The following DSPP variants were observed in gnomAD, a reference collection of about 807,000 sequenced individuals.
DSPP encodes the protein dentin sialophosphoprotein.
A neutral mutation model predicts 29.1 loss-of-function variants in DSPP; 28 were observed. The ratio of observed to expected loss-of-function variants is 0.96; its 90% CI spans 0.71 to 1.32. The LOEUF is 1.32. DSPP is among the 40% of genes most tolerant of loss of function. DSPP has a pLI of 0.00. For synonymous variants in DSPP, 481 were observed against 503.4 expected (o/e 0.96, Z 0.60); for missense variants, 1,281 against 1,629.9 (o/e 0.79, Z 3.69).
intron 1 of DSPP, 91 bp from the exon 2 acceptor site, chr4:87,610,790 A>C: frequency 1.1e-6 from 1 of 869,906 alleles, no homozygotes; most frequent in African/African-American, 1.7e-5. Flanking sequence ...TTGTCCAGGA[A>C]AAGGGCAAAT....
intron 1 of DSPP, among the ~76,000 whole-genome samples, chr4:87,609,029 ATGAAATTTAG>A (rs1727686684): frequency 6.6e-6 from 1 of 152,232 alleles, no homozygotes; most frequent in Admixed American, 6.5e-5. Context: ...CCCACATGAA[ATGAAATTTAG>A]CAATCACTAA....
chr4:87,612,574 A>T lies in DSPP; in HGVS notation c.388A>T (p.Asn130Tyr). 6.2e-7 allele frequency: 1 copy of T among 1,614,126 alleles called. No homozygotes were observed. The highest frequency in any genetic ancestry group is 8.5e-7 in the Non-Finnish European group (1 of 1,179,992). ...GHDGIHGKEE[N>Y]ITANGIQGQV... ...TGATGGAATACATGGGAAAGAAGAA[A>T]ACATCACAGCAAATGGCATCCAGGG... Residue 130 changes from asparagine (N) to tyrosine (Y), a missense_variant, in exon 4 of 5, where the codon AAC becomes TAC. Asn to Tyr is a moderately radical substitution (Grantham distance 143). This residue lies in a region of DSPP where 631 missense variants were observed against 643.2 expected (regional missense o/e 0.98). Transcript: ENST00000651931.
chr4:87,612,848 GA>G lies in DSPP; in HGVS notation c.665del (p.Asn222MetfsTer8). The G allele has an allele frequency of 6.2e-7, 1 of 1,614,170 alleles. No homozygotes were observed. The highest frequency in any genetic ancestry group is 8.5e-7 in the Non-Finnish European group (1 of 1,180,020). On this transcript the variant is annotated frameshift_variant, in exon 4 of 5. Coordinates refer to ENST00000651931, the MANE Select transcript of DSPP (RefSeq NM_014208.3). LOFTEE classifies it high-confidence loss of function. The stretch of plus-strand genomic sequence containing the variant: ...ATAACACCTCAGATCAACAGCAAGA[GA>G]AATGGGACTAAGGAAGCTGAGGTAA... ...SEITPQINSK[R>X]NGTKEAEVTP... is the part of the protein sequence containing the mutation.
intron 2 of DSPP, 25 bp downstream of exon 2, chr4:87,610,984 C>T: frequency 6.2e-7 from 1 of 1,607,586 alleles, no homozygotes; most frequent in South Asian, 1.1e-5. Context: ...CTTAGAAAAC[C>T]TCTTCACTTT....
chr4:87,616,323 G>A lies in DSPP; in HGVS notation c.3661G>A (p.Asp1221Asn), dbSNP rs747882961. 27 of 1,514,768 alleles carry A rather than the reference G, an allele frequency of 1.8e-5. No homozygotes were observed. The East Asian group carries it at 4.0e-4, about 23-fold the overall frequency. The allele number at this position is 1,514,768 out of a possible 1,614,324, so 93.8% of individuals were successfully genotyped here. The stretch of plus-strand genomic sequence containing the variant: ...CAGCAGCGACAGCAGTGACAGCAGC[G>A]ACAGCAGTGACAGCAGCGACAGCAG... ...SDSSDSSDSS[D>N]SSDSSDSSDS... The change falls in exon 5 of 5, where the codon GAC (aspartate) becomes AAC (asparagine). Residue 1221 changes from aspartate to asparagine, a missense_variant. Coordinates refer to ENST00000651931, the MANE Select transcript of DSPP (RefSeq NM_014208.3).
At position 87,614,062 on chromosome 4, in the gene DSPP, G is replaced by A. The variant is rs553480677; in HGVS notation, c.1400G>A (p.Ser467Asn). ...TCCATGCAAGGAGATGATCCCAATAGCAGTGATGAATCTAATGGCAATGAT... is the reference window on the plus strand; with the variant it reads ...TCCATGCAAGGAGATGATCCCAATAACAGTGATGAATCTAATGGCAATGAT... ...DKSMQGDDPN[S>N]SDESNGNDDA... The change falls in exon 5 of 5, where the codon AGC becomes AAC. Residue 467 changes from serine to asparagine, a missense_variant. Ser to Asn is a conservative substitution (Grantham distance 46). This residue lies in a region of DSPP where 631 missense variants were observed against 643.2 expected (regional missense o/e 0.98). Transcript: ENST00000651931. The A allele has an allele frequency of 4.8e-5, 77 of 1,614,206 alleles. No homozygotes were observed. The South Asian group carries it at 7.7e-4, about 16-fold the overall frequency.
Position 87,613,891 on chromosome 4 carries a change from G to A in DSPP, c.1229G>A (p.Gly410Asp), listed in dbSNP as rs200373202. Residue 410 changes from glycine (G) to aspartate (D), a missense_variant, in exon 5 of 5, where the codon GGC (glycine) becomes GAC (aspartate). Around this residue, in one of 4 missense-constraint regions of DSPP, gnomAD observed 631 missense variants for 643.2 expected, o/e 0.98. Transcript: ENST00000651931. ...AAAGGACAACATGGAATGATCTTGG[G>A]CAAAGGCAATGTCAAGACACAAGGA... ...EDKGQHGMIL[G>D]KGNVKTQGEV... 1.9e-6 allele frequency: 3 copies of A among 1,614,208 alleles called. No individual in the cohort carries two copies. The highest frequency in any genetic ancestry group is 2.7e-5 in the African/African-American group (2 of 75,056).
chr4:87,614,137 C>T lies in DSPP; in HGVS notation c.1475C>T (p.Ser492Phe). 1.9e-6 allele frequency: 3 copies of T among 1,614,210 alleles called. No homozygotes were observed. Among genetic ancestry groups the T allele is most frequent in the Non-Finnish European group, 2.5e-6 (3 of 1,180,034 alleles). Residue 492 changes from serine to phenylalanine, a missense_variant, in exon 5 of 5, where the codon TCT becomes TTT. Ser to Phe is a radical substitution (Grantham distance 155, BLOSUM62 -2). Transcript: ENST00000651931. The part of the protein sequence containing the change: ...DNNSSSRGDA[S>F]YNSDESKDNG... ...AACAGCAGTAGCCGAGGAGATGCTT[C>T]TTATAACTCTGATGAATCAAAAGAT...
rs765379520 is a variant in DSPP at position 87,613,118 on chromosome 4, A to G, written c.932A>G (p.Glu311Gly). The change falls in exon 4 of 5, where the codon GAA becomes GGA. Residue 311 changes from glutamate to glycine, a missense_variant. Transcript: ENST00000651931. ...SKEYYDPEGK[E>G]DPHNEVDGDK... ...GAATATTATGACCCTGAAGGCAAAG[A>G]AGATCCCCATAATGAAGTTGATGGA... The G allele has an allele frequency of 6.8e-6, 11 of 1,614,198 alleles. No individual in the cohort carries two copies. In the East Asian group the frequency reaches 2.5e-4, roughly 36 times the overall value.
chr4:87,615,909 G>T lies in DSPP; in HGVS notation c.3247G>T (p.Glu1083Ter). The change falls in exon 5 of 5, where the codon GAA (glutamate) becomes TAA (stop). Residue 1083 changes from glutamate to a stop codon, truncating the protein, a stop_gained. Transcript: ENST00000651931. LOFTEE classifies it low-confidence loss of function (END_TRUNC). Reference protein sequence around the residue: ...SDSSDSSDSSESSDSSDSSNS... With the variant: ...SDSSDSSDSS Reference sequence around the variant, plus strand: ...CAGCAGCGACAGCAGTGATAGCAGTGAAAGCAGTGATAGCAGTGACAGCAG... The same window carrying T: ...CAGCAGCGACAGCAGTGATAGCAGTTAAAGCAGTGATAGCAGTGACAGCAG... The T allele has an allele frequency of 8.0e-6, 9 of 1,122,848 alleles. No homozygotes were observed. The highest frequency in any genetic ancestry group is 3.2e-5 in the Admixed American group (1 of 31,376). 69.6% of individuals were successfully genotyped at this position (1,122,848 alleles called of 1,614,324 possible). A position where few individuals can be genotyped will look rare whatever the true frequency, so the allele number is the denominator to read the frequency against.
rs375392574 is a variant in DSPP, at chr4:87,615,095, T to C, written c.2433T>C (p.Asp811=). ...SDSSNSSDSS[D]SSDSSDSDSS... ...GCAGCAACAGCAGTGATAGCAGTGA[T>C]AGCAGTGACAGCAGTGATAGCGACA... Residue 811 remains aspartate (D), a synonymous_variant, in exon 5 of 5, where the codon GAT becomes GAC. Coordinates refer to ENST00000651931, the MANE Select transcript of DSPP (RefSeq NM_014208.3). 1.5e-5 allele frequency: 23 copies of C among 1,537,242 alleles called. No homozygotes were observed. Among genetic ancestry groups the C allele is most frequent in the African/African-American group, 1.3e-4 (9 of 68,040 alleles).
intron 1 of DSPP, among the ~76,000 whole-genome samples, chr4:87,609,798 T>C (rs1168466996): frequency 6.6e-6 from 1 of 152,228 alleles, no homozygotes; most frequent in Non-Finnish European, 1.5e-5. Context: ...CTCCTTTCTA[T>C]CATTACTTCA....
chr4:87,615,440 C>T lies in DSPP; in HGVS notation c.2778C>T (p.Ser926=), dbSNP rs777700807. 7 of 1,545,428 alleles carry T rather than the reference C, an allele frequency of 4.5e-6. No individual in the cohort carries two copies. In the South Asian group the frequency reaches 7.2e-5, roughly 16 times the overall value. Residue 926 remains serine, a synonymous_variant, in exon 5 of 5, where the codon AGC becomes AGT. Transcript: ENST00000651931. ...GCAACAGCAGTGATAGCAGTGAAAG[C>T]AGTAATAGTAGTGACAACAGCAATA... is the stretch of plus-strand genomic sequence containing the variant. ...DSSNSSDSSE[S]SNSSDNSNSS...
At chr4:87,609,251 G>A (rs1727690585) in intron 1 of DSPP, among the ~76,000 whole-genome samples, 1 of 152,198 alleles carries the variant, frequency 6.6e-6, no homozygotes, top group Non-Finnish European at 1.5e-5. Flanking sequence ...GTTCAGGAGT[G>A]GAGCTGAAAG....
rs1396882412 is a variant in DSPP, at chr4:87,612,160, T to G, written c.107T>G (p.Leu36Arg). 1 of 1,614,072 alleles carries G rather than the reference T, an allele frequency of 6.2e-7. No individual in the cohort carries two copies. The highest frequency in any genetic ancestry group is 8.5e-7 in the Non-Finnish European group (1 of 1,179,930). Residue 36 changes from leucine to arginine, a missense_variant, in exon 3 of 5, where the codon CTC becomes CGC. Coordinates refer to ENST00000651931, the MANE Select transcript of DSPP (RefSeq NM_014208.3). ...GTCGAAAAATCCATGAATTTGCATC[T>G]CCTAGCAAGATCAAATGTGTCAGTA... ...RHVEKSMNLH[L>R]LARSNVSVQD...
Position 87,616,713 on chromosome 4 carries a change from G to T in DSPP, c.*145G>T. 7.2e-7 allele frequency: 1 copy of T among 1,386,776 alleles called. No individual in the cohort carries two copies. Among genetic ancestry groups the T allele is most frequent in the Non-Finnish European group, 9.9e-7 (1 of 1,014,740 alleles). 85.9% of individuals were successfully genotyped at this position (1,386,776 alleles called of 1,614,324 possible). On this transcript the variant is annotated 3_prime_UTR_variant, in exon 5 of 5. Transcript: ENST00000651931. ...ACAACTGGGGGAATCAAATCAAACA[G>T]TTGGATTCAGAACCAAGACCTAACT...
At chr4:87,611,977 G>A (rs1727741964) in intron 2 of DSPP, 128 bp from the exon 3 acceptor site, 1 of 1,055,044 alleles carries the variant, frequency 9.5e-7, no homozygotes, top group Admixed American at 2.0e-5. Context: ...TGGCCTTTGT[G>A]TTAAACCTTT....
Position 87,614,902 on chromosome 4 carries a change from G to A in DSPP, c.2240G>A (p.Ser747Asn). The A allele has an allele frequency of 6.4e-7, 1 of 1,550,470 alleles. No homozygotes were observed. The highest frequency in any genetic ancestry group is 8.7e-7 in the Non-Finnish European group (1 of 1,146,402). The change falls in exon 5 of 5, where the codon AGT (serine) becomes AAT (asparagine). Residue 747 changes from serine (S) to asparagine (N), a missense_variant. By Grantham distance (46) the Ser-to-Asn change is conservative. Around this residue, in one of 4 missense-constraint regions of DSPP, gnomAD observed 444 missense variants for 611.4 expected, o/e 0.73. Coordinates refer to ENST00000651931, the MANE Select transcript of DSPP (RefSeq NM_014208.3). ...SSNSSDSSDS[S>N]DSSNSSDSSD... is the part of the protein sequence containing the mutation. Reference sequence around the variant, plus strand: ...AACAGCAGTGACAGCAGTGATAGCAGTGACAGCAGCAACAGCAGTGACAGT... The same window carrying A: ...AACAGCAGTGACAGCAGTGATAGCAATGACAGCAGCAACAGCAGTGACAGT...
At position 87,615,439 on chromosome 4, in the gene DSPP, G is replaced by A. The variant is rs899512215; in HGVS notation, c.2777G>A (p.Ser926Asn). Residue 926 changes from serine (S) to asparagine (N), a missense_variant, in exon 5 of 5, where the codon AGC becomes AAC. Physicochemically the swap from Ser to Asn is conservative, Grantham distance 46. Transcript: ENST00000651931. ...AGCAACAGCAGTGATAGCAGTGAAA[G>A]CAGTAATAGTAGTGACAACAGCAAT... ...DSSNSSDSSE[S>N]SNSSDNSNSS... 1 of 1,545,610 alleles carries A rather than the reference G, an allele frequency of 6.5e-7. No homozygotes were observed. Among genetic ancestry groups the A allele is most frequent in the African/African-American group, 1.4e-5 (1 of 72,190 alleles).
Sources: allele counts gnomAD v4.1 joint callset (sites outside exome capture counted in the v4.1 genomes callset), GRCh38; gene constraint gnomAD v4.1.1; regional missense constraint gnomAD v4.1.1; transcripts MANE v1.5; gene names NCBI Gene and HGNC (gene_info 2026-07-23, HGNC 2026-07-21).